The following ECM1 variants were observed in gnomAD, a reference collection of about 807,000 sequenced individuals.
ECM1 encodes extracellular matrix protein 1, also known as secretory component p85.
ECM1 carries 54 observed loss-of-function variants against 57.9 expected under a neutral mutation model. The observed-to-expected ratio is 0.93, with a 90% CI of 0.75 to 1.17. The LOEUF is 1.17. Ranked by LOEUF, ECM1 falls within the 50% of genes most tolerant of loss-of-function variation. The pLI, the probability that ECM1 is intolerant of heterozygous loss-of-function variation, is 0.00. For synonymous variants in ECM1, 237 were observed against 259.1 expected, an observed-to-expected ratio of 0.91 and a Z score of 0.82; for missense variants, 649 against 688.1, an observed-to-expected ratio of 0.94 and a Z score of 0.64.
Position 150,511,051 on chromosome 1 carries a change from T to A in ECM1, c.561T>A (p.His187Gln), listed in dbSNP as rs1468956684. The A allele has an allele frequency of 8.7e-6, 14 of 1,614,100 alleles. No individual in the cohort carries two copies. The highest frequency in any genetic ancestry group is 1.3e-5 in the African/African-American group (1 of 74,936). Residue 187 changes from histidine to glutamine, a missense_variant, in exon 6 of 10, where the codon CAT (histidine) becomes CAA (glutamine). Transcript: ENST00000369047. ...LNQICLPNRQHVVYGPWNLPQ... is the reference protein window; with the variant it reads ...LNQICLPNRQQVVYGPWNLPQ... ...AAATCTGCCTTCCTAACCGTCAGCA[T>A]GTGGTATATGGTCCCTGGAACCTAC... is the stretch of plus-strand genomic sequence containing the variant.
intron 9 of ECM1, 123 bp downstream of exon 9, chr1:150,512,935 G>T (rs1670483478): frequency 1.7e-6 from 2 of 1,148,636 alleles, no homozygotes; most frequent in Non-Finnish European, 2.6e-6. Flanking sequence ...ACTAGTGGGG[G>T]AGGTGTTTTT....
intron 6 of ECM1, 97 bp from the exon 7 acceptor site, chr1:150,511,360 C>G: frequency 2.5e-6 from 4 of 1,607,462 alleles, no homozygotes; most frequent in Non-Finnish European, 3.4e-6. Context: ...AGGACAACCA[C>G]TGTCTCTTCT....
chr1:150,511,495 C>T lies in ECM1; in HGVS notation c.747C>T (p.Phe249=), dbSNP rs1194880800. ...TGAGCCGATTCTGTGAGGCCGAGTT[C>T]TCGGTCAAGACCCGACCCCACTGGT... ...EAMSRFCEAE[F]SVKTRPHWCC... is the part of the protein sequence containing the mutation. The change falls in exon 7 of 10, where the codon TTC becomes TTT. Residue 249 remains phenylalanine (F), a synonymous_variant. Coordinates refer to ENST00000369047, the MANE Select transcript of ECM1 (RefSeq NM_004425.4). The T allele has an allele frequency of 1.2e-6, 2 of 1,614,146 alleles. No individual in the cohort carries two copies. Among genetic ancestry groups the T allele is most frequent in the East Asian group, 4.5e-5 (2 of 44,874 alleles).
chr1:150,512,415 T>C lies in ECM1; in HGVS notation c.1147T>C (p.Cys383Arg). The change falls in exon 8 of 10, where the codon TGT (cysteine) becomes CGT (arginine). Residue 383 changes from cysteine (C) to arginine (R), a missense_variant. By Grantham distance (180) the Cys-to-Arg change is radical (BLOSUM62 -3). Transcript: ENST00000369047. ...TGCTGTGAAGACCCACCACCACTTG[T>C]GTTGCCGCCACCCTCCCAGCCCTAC... The part of the protein sequence containing the change: ...EYAVKTHHHL[C>R]CRHPPSPTRD... 6.2e-7 allele frequency: 1 copy of C among 1,613,584 alleles called. No homozygotes were observed. The highest frequency in any genetic ancestry group is 8.5e-7 in the Non-Finnish European group (1 of 1,179,936).
In ECM1 at chr1:150,511,462, G is replaced by A. The variant is rs373341502; in HGVS notation, c.714G>A (p.Glu238=). 1.9e-6 allele frequency: 3 copies of A among 1,614,152 alleles called. No homozygotes were observed. Among genetic ancestry groups the A allele is most frequent in the Non-Finnish European group, 2.5e-6 (3 of 1,179,998 alleles). Residue 238 remains glutamate, a synonymous_variant, in exon 7 of 10, where the codon GAG becomes GAA. Transcript: ENST00000369047. ...ATCCTCCCCTCTTGCTCTAGTGGGA[G>A]GAAGCAATGAGCCGATTCTGTGAGG... ...NRLECAKLVW[E]EAMSRFCEAE...
Position 150,512,557 on chromosome 1 carries a change from G to C in ECM1, c.1289G>C (p.Arg430Thr). 6.2e-7 allele frequency: 1 copy of C among 1,613,414 alleles called. No homozygotes were observed. Among genetic ancestry groups the C allele is most frequent in the Non-Finnish European group, 8.5e-7 (1 of 1,180,010 alleles). ...NLMGHLCGNQ[R>T]VLTKHKHIPG... ...ATGGGCCACCTCTGTGGAAACCAAA[G>C]AGTTCTCACCAAGCAGTAAGTTGCC... The change falls in exon 8 of 10, where the codon AGA (arginine) becomes ACA (threonine). Residue 430 changes from arginine to threonine, a missense_variant. Coordinates refer to ENST00000369047, the MANE Select transcript of ECM1 (RefSeq NM_004425.4).
rs1274447017 is a variant in ECM1 at position 150,511,437 on chromosome 1, A to G, written c.709-20A>G. On this transcript the variant is annotated intron_variant, in intron 6 of 9. Transcript: ENST00000369047. The stretch of plus-strand genomic sequence containing the variant: ...AGGCAGGAATGTGGAAAGTGGGCTG[A>G]TCCTCCCCTCTTGCTCTAGTGGGAG... The G allele has an allele frequency of 3.7e-6, 6 of 1,613,802 alleles. No homozygotes were observed. The highest frequency in any genetic ancestry group is 4.2e-6 in the Non-Finnish European group (5 of 1,179,908).
chr1:150,508,919 C>A (rs1670351750), intron 1 of ECM1, among the ~76,000 whole-genome samples: 1 of 152,192 alleles, frequency 6.6e-6, no homozygotes, highest in African/African-American at 2.4e-5. Flanking sequence ...TTCCCAGCTC[C>A]TGGTCTTTTG....
chr1:150,512,673 T>A lies in ECM1; in HGVS notation c.1305-52T>A, dbSNP rs903970421. The A allele has an allele frequency of 4.0e-5, 65 of 1,610,668 alleles. No homozygotes were observed. The Middle Eastern group carries it at 4.9e-4, about 12-fold the overall frequency. On this transcript the variant is annotated intron_variant, in intron 8 of 9. Coordinates refer to ENST00000369047, the MANE Select transcript of ECM1 (RefSeq NM_004425.4). ...ATCATGATATCCCAACCCCATCTGA[T>A]GCCAGAAGATGCCCAAAGACCCTAA...
rs2101437320 is a variant in ECM1, at chr1:150,511,647, C to T, written c.899C>T (p.Pro300Leu). Residue 300 changes from proline to leucine, a missense_variant, in exon 7 of 10, where the codon CCT (proline) becomes CTT (leucine). By Grantham distance (98) the Pro-to-Leu change is moderately conservative (BLOSUM62 -3). Coordinates refer to ENST00000369047, the MANE Select transcript of ECM1 (RefSeq NM_004425.4). The part of the protein sequence containing the change: ...DISSGLELPF[P>L]PGVPTLDNIK... Reference sequence around the variant, plus strand: ...TCCTCGGGTCTTGAGCTGCCTTTCCCTCCTGGGGTGCCCACATTGGACAAT... The same window carrying T: ...TCCTCGGGTCTTGAGCTGCCTTTCCTTCCTGGGGTGCCCACATTGGACAAT... 1.9e-6 allele frequency: 3 copies of T among 1,614,164 alleles called. No individual in the cohort carries two copies. The East Asian group carries it at 6.7e-5, about 36-fold the overall frequency.
In ECM1 at chr1:150,510,397, C is replaced by A. The variant is rs1570883592; in HGVS notation, c.385+215C>A. ...GTGATTAGATGTGCAAAAATAGCAT[C>A]TATTTTCACTTGCTTCTCTGCTGAG... On this transcript the variant is annotated intron_variant, in intron 5 of 9. Coordinates refer to ENST00000369047, the MANE Select transcript of ECM1 (RefSeq NM_004425.4). The A allele has an allele frequency of 6.5e-6, 4 of 611,250 alleles. No individual in the cohort carries two copies. In the East Asian group the frequency reaches 1.1e-4, roughly 17 times the overall value. 37.9% of individuals were successfully genotyped at this position (611,250 alleles called of 1,614,324 possible).
Position 150,513,261 on chromosome 1 carries a change from T to C in ECM1, c.1417T>C (p.Cys473Arg), listed in dbSNP as rs1468051324. 3.1e-6 allele frequency: 5 copies of C among 1,614,116 alleles called. No individual in the cohort carries two copies. In the South Asian group the frequency reaches 3.3e-5, roughly 11 times the overall value. Reference protein sequence around the residue: ...EEKLTFINDLCGPRRNIWRDP... With the variant: ...EEKLTFINDLRGPRRNIWRDP... Reference sequence around the variant, plus strand: ...GAAATTAACCTTCATCAATGATCTGTGTGGTCCCCGACGTAACATCTGGCG... The same window carrying C: ...GAAATTAACCTTCATCAATGATCTGCGTGGTCCCCGACGTAACATCTGGCG... Residue 473 changes from cysteine (C) to arginine (R), a missense_variant, in exon 10 of 10, where the codon TGT (cysteine) becomes CGT (arginine). Coordinates refer to ENST00000369047, the MANE Select transcript of ECM1 (RefSeq NM_004425.4).
At chr1:150,512,870 G>A in intron 9 of ECM1, 58 bp downstream of exon 9, 9 of 1,557,928 alleles carry the variant, frequency 5.8e-6, no homozygotes, top group South Asian at 1.1e-5. Context: ...GAAAGAGCTA[G>A]AACTGCAGGC....
intron 9 of ECM1, 34 bp from the exon 10 acceptor site, chr1:150,513,203 C>T: frequency 6.2e-7 from 1 of 1,608,102 alleles, no homozygotes; most frequent in Non-Finnish European, 8.5e-7. Context: ...CACCTCCCCA[C>T]CCCATCATCT....
At position 150,511,928 on chromosome 1, in the gene ECM1, GC is replaced by G. The variant is rs1670456917; in HGVS notation, c.1083+98del. On this transcript the variant is annotated intron_variant, in intron 7 of 9. Coordinates refer to ENST00000369047, the MANE Select transcript of ECM1 (RefSeq NM_004425.4). ...GTCCATCCATCCATGTACCCCCCCTGCTGTGAGTGCGTCCACCCGTTCATCT... is the reference window on the plus strand; with the variant it reads ...GTCCATCCATCCATGTACCCCCCCTGTGTGAGTGCGTCCACCCGTTCATCT... The G allele has an allele frequency of 6.5e-6, 8 of 1,234,722 alleles. No homozygotes were observed. The Admixed American group carries it at 2.1e-4, about 32-fold the overall frequency. The allele number at this position is 1,234,722 out of a possible 1,614,324, so 76.5% of individuals were successfully genotyped here.
Position 150,512,407 on chromosome 1 carries a change from A to G in ECM1, c.1139A>G (p.His380Arg), listed in dbSNP as rs1570886444. 6.2e-6 allele frequency: 10 copies of G among 1,612,102 alleles called. No homozygotes were observed. Among genetic ancestry groups the G allele is most frequent in the Non-Finnish European group, 8.5e-6 (10 of 1,179,548 alleles). Residue 380 changes from histidine (H) to arginine (R), a missense_variant, in exon 8 of 10, where the codon CAC becomes CGC. Transcript: ENST00000369047. ...CGGGAGTATGCTGTGAAGACCCACCACCACTTGTGTTGCCGCCACCCTCCC... is the reference window on the plus strand; with the variant it reads ...CGGGAGTATGCTGTGAAGACCCACCGCCACTTGTGTTGCCGCCACCCTCCC... ...CDREYAVKTH[H>R]HLCCRHPPSP...
chr1:150,509,758 T>C lies in ECM1; in HGVS notation c.219T>C (p.Ser73=), dbSNP rs764000517. ...SQHGPPFEGQ[S]QVQPPPSQEA... ...ATGGCCCTCCCTTTGAGGGACAGAGTCAAGGTAAGGTCACCATCCCATGCC... is the reference window on the plus strand; with the variant it reads ...ATGGCCCTCCCTTTGAGGGACAGAGCCAAGGTAAGGTCACCATCCCATGCC... Residue 73 remains serine (S), a synonymous_variant, in exon 3 of 10, where the codon AGT becomes AGC. Transcript: ENST00000369047. 2 of 1,609,384 alleles carry C rather than the reference T, an allele frequency of 1.2e-6. No homozygotes were observed. Among genetic ancestry groups the C allele is most frequent in the Non-Finnish European group, 8.5e-7 (1 of 1,179,146 alleles).
chr1:150,510,160 G>A lies in ECM1; in HGVS notation c.363G>A (p.Gln121=). 6.2e-7 allele frequency: 1 copy of A among 1,613,990 alleles called. No individual in the cohort carries two copies. Among genetic ancestry groups the A allele is most frequent in the South Asian group, 1.1e-5 (1 of 91,074 alleles). The part of the protein sequence containing the change: ...VPLQKELPSL[Q]HPNEQKEGTP... ...TCCAAAAAGAGCTGCCCTCTCTCCA[G>A]CACCCCAATGAACAGAAGGAAGGTA... The change falls in exon 5 of 10, where the codon CAG becomes CAA. Residue 121 remains glutamine (Q), a synonymous_variant. Coordinates refer to ENST00000369047, the MANE Select transcript of ECM1 (RefSeq NM_004425.4).
chr1:150,512,882 A>G, intron 9 of ECM1, 70 bp downstream of exon 9: 1 of 1,516,404 alleles, frequency 6.6e-7, no homozygotes, highest in Non-Finnish European at 9.2e-7. Flanking sequence ...ACTGCAGGCC[A>G]CCCCTTCTCT....
Sources: allele counts gnomAD v4.1 joint callset (sites outside exome capture counted in the v4.1 genomes callset), GRCh38; gene constraint gnomAD v4.1.1; transcripts MANE v1.5; gene names NCBI Gene and HGNC (gene_info 2026-07-23, HGNC 2026-07-21).